The following PARD3B variants were observed in gnomAD, a reference collection of about 807,000 sequenced individuals.
PARD3B encodes the protein par-3 family cell polarity regulator beta, also known as partitioning defective 3 homolog B.
Under a neutral mutation model 130.2 loss-of-function variants are expected in PARD3B, and 103 were observed. That is an observed-to-expected ratio of 0.79 (90% CI 0.67 to 0.93). The LOEUF (loss-of-function observed/expected upper bound fraction) is 0.93. Among genes scored for constraint, PARD3B ranks in the 40% least tolerant of loss-of-function variants. PARD3B has a pLI of 0.00. For synonymous variants in PARD3B, 583 were observed against 553.2 expected (o/e 1.05, Z -0.76); for missense variants, 1,609 against 1,499.2 (o/e 1.07, Z -1.21).
chr2:205,306,405 C>T (rs903484822), intron 18 of PARD3B, among the ~76,000 whole-genome samples: 3 of 152,092 alleles, frequency 2.0e-5, no homozygotes, highest in Non-Finnish European at 2.9e-5. Flanking sequence ...TAACGAAAAA[C>T]ACTATTAAAA....
intron 21 of PARD3B, among the ~76,000 whole-genome samples, chr2:205,501,911 T>A (rs72931739): frequency 0.047 from 7,190 of 152,002 alleles, 224 homozygotes; most frequent in East Asian, 0.18. Context: ...GTATCTCTAG[T>A]TTAATTTGTG....
intron 18 of PARD3B, among the ~76,000 whole-genome samples, chr2:205,369,576 C>G (rs2044733893): frequency 6.6e-6 from 1 of 152,224 alleles, no homozygotes; most frequent in African/African-American, 2.4e-5. Flanking sequence ...CTTCTTCAGT[C>G]TGGAACTATC....
At chr2:205,285,398 A>ATAGATAT (rs950051924) in intron 16 of PARD3B, among the ~76,000 whole-genome samples, 6 of 152,162 alleles carry the variant, frequency 3.9e-5, no homozygotes, top group African/African-American at 1.4e-4. Flanking sequence ...AGGGCATGGT[A>ATAGATAT]TAGATATAAG....
chr2:205,540,846 A>G (rs115068433), intron 21 of PARD3B, among the ~76,000 whole-genome samples: 2,560 of 152,288 alleles, frequency 0.017, 63 homozygotes, highest in African/African-American at 0.057. Flanking sequence ...TTAGAAATCT[A>G]AAAGCTTTTA....
chr2:204,866,061 C>G (rs537676319), intron 2 of PARD3B, among the ~76,000 whole-genome samples: 1 of 152,278 alleles, frequency 6.6e-6, no homozygotes, highest in South Asian at 2.1e-4. Flanking sequence ...AGGGCTTGTA[C>G]CAGAGCATTG....
At chr2:205,392,010 T>A (rs899378637) in intron 18 of PARD3B, among the ~76,000 whole-genome samples, 3 of 152,176 alleles carry the variant, frequency 2.0e-5, no homozygotes, top group Non-Finnish European at 4.4e-5. Context: ...CTCTTTTGTT[T>A]GTTTGGTTTA....
chr2:205,493,209 GA>G (rs200934594), intron 20 of PARD3B, among the ~76,000 whole-genome samples: 3 of 150,626 alleles, frequency 2.0e-5, no homozygotes, highest in Non-Finnish European at 3.0e-5. Flanking sequence ...TCCCACTATG[GA>G]AAAAAAAATC....
chr2:205,192,644 A>C (rs923476326), intron 14 of PARD3B, among the ~76,000 whole-genome samples: 2 of 152,178 alleles, frequency 1.3e-5, no homozygotes, highest in African/African-American at 2.4e-5. Flanking sequence ...TGCTCTTCCT[A>C]TTATTTCCTT....
intron 18 of PARD3B, among the ~76,000 whole-genome samples, chr2:205,391,233 A>G (rs2045848627): frequency 6.6e-6 from 1 of 152,250 alleles, no homozygotes; most frequent in African/African-American, 2.4e-5. Context: ...AGAAAAGGGA[A>G]GGAAAGAGGA....
chr2:205,261,332 A>G (rs1039832402), intron 16 of PARD3B, among the ~76,000 whole-genome samples: 2 of 151,112 alleles, frequency 1.3e-5, no homozygotes, highest in African/African-American at 4.9e-5. Context: ...TAACTCTCCT[A>G]CATTTCACTT....
chr2:205,412,806 C>T (rs1291367536), intron 19 of PARD3B, among the ~76,000 whole-genome samples: 2 of 152,170 alleles, frequency 1.3e-5, no homozygotes, highest in Non-Finnish European at 2.9e-5. Flanking sequence ...AATGAAACCT[C>T]GCTTTCTCCA....
At chr2:205,479,485 A>G (rs1481570636) in intron 20 of PARD3B, among the ~76,000 whole-genome samples, 6 of 152,226 alleles carry the variant, frequency 3.9e-5, no homozygotes, top group African/African-American at 1.2e-4. Context: ...GGTAAGGGCC[A>G]TAATGTAAGT....
chr2:205,557,373 C>A (rs1471732857), intron 22 of PARD3B, among the ~76,000 whole-genome samples: 2 of 152,166 alleles, frequency 1.3e-5, no homozygotes, highest in East Asian at 3.9e-4. Flanking sequence ...GACTAAACTC[C>A]CCAAGCCCAG....
At chr2:204,788,277 C>T (rs1428881917) in intron 2 of PARD3B, among the ~76,000 whole-genome samples, 1 of 152,216 alleles carries the variant, frequency 6.6e-6, no homozygotes, top group Non-Finnish European at 1.5e-5. Flanking sequence ...GCCTGACATT[C>T]TGTTTCAACA....
Position 205,407,704 on chromosome 2 carries a change from C to T in PARD3B, c.2741+6581C>T, listed in dbSNP as rs2046456905. ...CTCATCATTAATTTAGTATTACTAT[C>T]CTGAGAAAAATATCTCCACTGACAC... On this transcript the variant is annotated intron_variant, in intron 19 of 22. Coordinates refer to ENST00000406610, the MANE Select transcript of PARD3B (RefSeq NM_001302769.2). This position sits in a 1 kb window ranked among gnomAD's most constrained non-coding sequence, Gnocchi z 4.1. Among the ~76,000 whole-genome samples the T allele has an allele frequency of 2.0e-5, 3 of 152,050 alleles. No individual in the cohort carries two copies. The highest frequency in any genetic ancestry group is 2.0e-4 in the Admixed American group (3 of 15,264).
intron 2 of PARD3B, among the ~76,000 whole-genome samples, chr2:204,759,213 A>G (rs1343481616): frequency 6.6e-6 from 1 of 152,180 alleles, no homozygotes; most frequent in Admixed American, 6.6e-5. Flanking sequence ...TAAAATTTAA[A>G]TGCATAAACT....
At chr2:205,036,156 ATATG>A (rs1380779043) in intron 3 of PARD3B, among the ~76,000 whole-genome samples, 3 of 146,372 alleles carry the variant, frequency 2.0e-5, no homozygotes, top group African/African-American at 7.4e-5. Flanking sequence ...TATATAAAAA[ATATG>A]TAGTATATAG....
chr2:204,754,800 A>C (rs1045236590), intron 2 of PARD3B, among the ~76,000 whole-genome samples: 13 of 152,164 alleles, frequency 8.5e-5, no homozygotes, highest in Non-Finnish European at 1.8e-4. Context: ...TATGAGGCCA[A>C]ATAAGCTTCA....
Position 205,253,497 on chromosome 2 carries a change from A to T in PARD3B, c.2185+7675A>T, listed in dbSNP as rs2039945594. 5.4e-6 allele frequency: 3 copies of T among 556,296 alleles called. No individual in the cohort carries two copies. In the Admixed American group the frequency reaches 5.7e-5, roughly 11 times the overall value. 34.5% of individuals were successfully genotyped at this position (556,296 alleles called of 1,614,324 possible). ...GAGACCAAACTTGGCGGGCACTGGA[A>T]GTACCTGGGGAAGCAGGAGAGACTC... On this transcript the variant is annotated intron_variant, in intron 16 of 22. Transcript: ENST00000406610. The surrounding 1 kb of genome is among the most constrained non-coding windows in gnomAD (Gnocchi z 4.4).
Sources: allele counts gnomAD v4.1 joint callset (sites outside exome capture counted in the v4.1 genomes callset), GRCh38; gene constraint gnomAD v4.1.1; non-coding constraint Gnocchi (gnomAD v3.1); transcripts MANE v1.5; gene names NCBI Gene and HGNC (gene_info 2026-07-23, HGNC 2026-07-21).